INTS4: variants seen among roughly 807,000 people sequenced by gnomAD.
INTS4 encodes the protein MSTP093.
Under a neutral mutation model 119.5 loss-of-function variants are expected in INTS4, and 70 were observed. The observed-to-expected ratio is 0.59, with a 90% CI of 0.48 to 0.71. The LOEUF (loss-of-function observed/expected upper bound fraction) is 0.71. Ranked by LOEUF, INTS4 falls within the 30% of genes least tolerant of loss-of-function variation. The pLI, the probability that INTS4 is intolerant of heterozygous loss-of-function variation, is 0.00. For missense variants in INTS4, 867 were observed against 1,173.2 expected (o/e 0.74, Z 3.81); for synonymous variants, 316 against 419.6 (o/e 0.75, Z 3.02).
At position 77,891,382 on chromosome 11, in the gene INTS4, A is replaced by C. The variant is rs1952256875; in HGVS notation, c.2529T>G (p.Val843=). The C allele has an allele frequency of 6.2e-7, 1 of 1,612,316 alleles. No individual in the cohort carries two copies. Among genetic ancestry groups the C allele is most frequent in the Non-Finnish European group, 8.5e-7 (1 of 1,179,342 alleles). ...NPLRFTSGLV[V]ALDVDATLEH... ...CCAGGGTTGCATCAACATCCAGGGC[A>C]ACCACCAACCCAGAGGTAAACCGCA... Residue 843 remains valine (V), a synonymous_variant, in exon 21 of 23, where the codon GTT becomes GTG. Coordinates refer to ENST00000534064, the MANE Select transcript of INTS4 (RefSeq NM_033547.4).
intron 4 of INTS4, among the ~76,000 whole-genome samples, chr11:77,974,626 A>G (rs1199851488): frequency 6.9e-6 from 1 of 145,032 alleles, no homozygotes; most frequent in Non-Finnish European, 1.5e-5. Context: ...TTTCTGACCC[A>G]AGGTCTTGCT....
chr11:77,991,438 G>C (rs17752458), intron 1 of INTS4, 139 bp from the exon 2 acceptor site: 142,269 of 697,992 alleles, frequency 0.2, 15,140 homozygotes, highest in African/African-American at 0.25. Flanking sequence ...AAACCAGAAA[G>C]AGTACCGGGT....
intron 18 of INTS4, among the ~76,000 whole-genome samples, chr11:77,897,839 T>C (rs1952599039): frequency 1.3e-5 from 2 of 151,798 alleles, no homozygotes; most frequent in African/African-American, 4.8e-5. Context: ...CATAGGGTCT[T>C]GTTCTGTTGC....
chr11:77,914,961 T>C (rs1213340833), intron 15 of INTS4: 2 of 186,584 alleles, frequency 1.1e-5, no homozygotes, highest in Non-Finnish European at 2.4e-5. Flanking sequence ...AGTGATGGTA[T>C]TCAGGTGAAC....
intron 11 of INTS4, among the ~76,000 whole-genome samples, chr11:77,926,269 T>C (rs1953496983): frequency 6.6e-6 from 1 of 151,708 alleles, no homozygotes; most frequent in South Asian, 2.1e-4. Context: ...ACAGAAAATA[T>C]AAGGGAGAAG....
At chr11:77,960,792 G>C (rs1469901547) in intron 5 of INTS4, among the ~76,000 whole-genome samples, 161 bp downstream of exon 5, 1 of 152,158 alleles carries the variant, frequency 6.6e-6, no homozygotes, top group Non-Finnish European at 1.5e-5. Flanking sequence ...AAGCACACTT[G>C]TATACAGGAA....
intron 10 of INTS4, among the ~76,000 whole-genome samples, chr11:77,933,245 C>T (rs1454920775): frequency 1.3e-5 from 2 of 150,780 alleles, no homozygotes; most frequent in Non-Finnish European, 2.9e-5. Context: ...CTCTCCCTCT[C>T]TCTCCACGGT....
At chr11:77,890,143 T>C (rs1330616839) in intron 21 of INTS4, among the ~76,000 whole-genome samples, 5 of 152,114 alleles carry the variant, frequency 3.3e-5, no homozygotes, top group Non-Finnish European at 7.4e-5. Flanking sequence ...ACCACTAATG[T>C]GGAAAAAAAC....
intron 10 of INTS4, among the ~76,000 whole-genome samples, chr11:77,933,301 T>C (rs1953702589): frequency 6.6e-6 from 1 of 151,492 alleles, no homozygotes; most frequent in South Asian, 2.1e-4. Flanking sequence ...TGCCACCATC[T>C]CGGCTCACTG....
chr11:77,953,159 C>G (rs1320436401), intron 8 of INTS4, among the ~76,000 whole-genome samples: 1 of 152,178 alleles, frequency 6.6e-6, no homozygotes, highest in Non-Finnish European at 1.5e-5. Flanking sequence ...GGTCACAGGA[C>G]TAAAGCTATC....
At position 77,924,968 on chromosome 11, in the gene INTS4, A is replaced by G. The variant is rs534176704; in HGVS notation, c.1372-76T>C. The G allele has an allele frequency of 5.7e-3, 6,466 of 1,143,960 alleles. 37 individuals are homozygous for G. The highest frequency in any genetic ancestry group is 0.031 in the Admixed American group (1,357 of 44,222). 70.9% of individuals were successfully genotyped at this position (1,143,960 alleles called of 1,614,324 possible). A position where few individuals can be genotyped will look rare whatever the true frequency, so the allele number is the denominator to read the frequency against. ...CAGCCTCTATCTACCATCCCCTTCTACCCAGCCACCTTCCCATCTAGGGTG... is the reference window on the plus strand; with the variant it reads ...CAGCCTCTATCTACCATCCCCTTCTGCCCAGCCACCTTCCCATCTAGGGTG... On this transcript the variant is annotated intron_variant, in intron 11 of 22. Transcript: ENST00000534064.
chr11:77,962,429 G>A (rs1002539337), intron 4 of INTS4, among the ~76,000 whole-genome samples: 3 of 152,072 alleles, frequency 2.0e-5, no homozygotes, highest in Non-Finnish European at 2.9e-5. Context: ...CTCTCACCAC[G>A]AATTTTAATA....
intron 4 of INTS4, among the ~76,000 whole-genome samples, chr11:77,961,776 A>G (rs1203680010): frequency 6.6e-6 from 1 of 152,246 alleles, no homozygotes; most frequent in Non-Finnish European, 1.5e-5. Context: ...GATTTATGCA[A>G]GGTATGGCAG....
At chr11:77,893,791 G>A (rs890907432) in intron 19 of INTS4, among the ~76,000 whole-genome samples, 7 of 152,118 alleles carry the variant, frequency 4.6e-5, no homozygotes, top group African/African-American at 1.7e-4. Context: ...TACTTGGGAG[G>A]CTGAGGCAGA....
intron 10 of INTS4, among the ~76,000 whole-genome samples, chr11:77,929,232 T>C (rs372299847): frequency 2.1e-4 from 32 of 152,046 alleles, no homozygotes; most frequent in African/African-American, 7.2e-4. Flanking sequence ...ATGGGATAAG[T>C]CCAAGATGGA....
intron 4 of INTS4, among the ~76,000 whole-genome samples, chr11:77,977,273 G>T (rs1855989689): frequency 6.6e-6 from 1 of 152,016 alleles, no homozygotes; most frequent in African/African-American, 2.4e-5. Context: ...TGTAAATTCA[G>T]TAATAGGTGA....
intron 4 of INTS4, among the ~76,000 whole-genome samples, chr11:77,970,240 T>C (rs1191468301): frequency 2.6e-5 from 4 of 151,566 alleles, no homozygotes; most frequent in African/African-American, 7.3e-5. Context: ...CTATTAAAAA[T>C]ACAAAAAAAT....
At chr11:77,982,440 A>G (rs890575935) in intron 2 of INTS4, among the ~76,000 whole-genome samples, 1 of 152,088 alleles carries the variant, frequency 6.6e-6, no homozygotes, top group Admixed American at 6.6e-5. Context: ...GCTCAGCCCT[A>G]CCTGCTTTTT....
chr11:77,973,018 T>C (rs958858876), intron 4 of INTS4, among the ~76,000 whole-genome samples: 15 of 151,936 alleles, frequency 9.9e-5, no homozygotes, highest in African/African-American at 3.6e-4. Flanking sequence ...TTTTTTCAAT[T>C]TTTAGTAGAG....
Sources: allele counts gnomAD v4.1 joint callset (sites outside exome capture counted in the v4.1 genomes callset), GRCh38; gene constraint gnomAD v4.1.1; transcripts MANE v1.5; gene names NCBI Gene and HGNC (gene_info 2026-07-23, HGNC 2026-07-21).